The following MSANTD5 variants were observed in gnomAD, a reference collection of about 807,000 sequenced individuals.
The protein encoded by MSANTD5 is uncharacterized protein MSANTD5.
the MSANTD5 span, among the ~76,000 whole-genome samples, chr5:178,705,002 G>C: frequency 6.6e-6 from 1 of 152,132 alleles, no homozygotes; most frequent in Non-Finnish European, 1.5e-5. Context: ...CAAGGAAGAG[G>C]CCATGACTTG....
At chr5:178,697,218 G>A (rs1026599795) in intron 1 of MSANTD5, among the ~76,000 whole-genome samples, 2 of 152,148 alleles carry the variant, frequency 1.3e-5, no homozygotes, top group Non-Finnish European at 2.9e-5. Context: ...ACTTTGGGAG[G>A]CCGAGGCGGG....
the MSANTD5 span, among the ~76,000 whole-genome samples, chr5:178,706,420 C>A: frequency 6.6e-6 from 1 of 152,086 alleles, no homozygotes; most frequent in Non-Finnish European, 1.5e-5. Flanking sequence ...TGTTGCACTG[C>A]GGCTCTGCTG....
At chr5:178,704,248 C>A in the MSANTD5 span, among the ~76,000 whole-genome samples, 4 of 152,096 alleles carry the variant, frequency 2.6e-5, no homozygotes, top group Non-Finnish European at 5.9e-5. Context: ...TGCTTGCGTA[C>A]CCCCAAAATT....
downstream of MSANTD5, among the ~76,000 whole-genome samples, chr5:178,692,908 T>TG (rs754295876): frequency 8.7e-4 from 132 of 152,064 alleles, 1 homozygote; most frequent in Admixed American, 1.6e-3. Context: ...CTGTTACAGC[T>TG]GGGGGGACCC....
chr5:178,701,221 CCCT>C (rs2113857358), upstream of MSANTD5, among the ~76,000 whole-genome samples: 1 of 152,262 alleles, frequency 6.6e-6, no homozygotes, highest in Admixed American at 6.5e-5. Context: ...TCGTGATCTG[CCCT>C]CCTCGGCCTC....
At chr5:178,696,428 G>A (rs1209297483) in intron 1 of MSANTD5, among the ~76,000 whole-genome samples, 1 of 152,036 alleles carries the variant, frequency 6.6e-6, no homozygotes, top group Non-Finnish European at 1.5e-5. Flanking sequence ...GTTTCACCTC[G>A]TTAGTCAGGC....
At chr5:178,698,034 C>G (rs1765437846), upstream of MSANTD5, among the ~76,000 whole-genome samples, 1 of 152,070 alleles carries the variant, frequency 6.6e-6, no homozygotes, top group Admixed American at 6.6e-5. Flanking sequence ...ACCCCTTCCC[C>G]CTGAGTTCGT....
upstream of MSANTD5, among the ~76,000 whole-genome samples, chr5:178,701,515 A>G (rs924651120): frequency 6.6e-6 from 1 of 151,054 alleles, no homozygotes; most frequent in African/African-American, 2.4e-5. Flanking sequence ...AAATATATAT[A>G]TTTTTAATTA....
chr5:178,698,370 C>T (rs1250685441), upstream of MSANTD5, among the ~76,000 whole-genome samples: 1 of 151,980 alleles, frequency 6.6e-6, no homozygotes, highest in Non-Finnish European at 1.5e-5. Context: ...TGCTGAGTGC[C>T]CAGCATGTGA....
chr5:178,706,116 T>C, the MSANTD5 span, among the ~76,000 whole-genome samples: 1 of 152,180 alleles, frequency 6.6e-6, no homozygotes, highest in African/African-American at 2.4e-5. Flanking sequence ...AAATGCTTTT[T>C]CCGCCTGAAG....
chr5:178,702,849 G>A, the MSANTD5 span, among the ~76,000 whole-genome samples: 1 of 152,188 alleles, frequency 6.6e-6, no homozygotes, highest in East Asian at 1.9e-4. Context: ...TGTCCGCCTC[G>A]GCCTCCCAAA....
chr5:178,699,297 T>G (rs768694141), upstream of MSANTD5, among the ~76,000 whole-genome samples: 3 of 152,220 alleles, frequency 2.0e-5, no homozygotes, highest in Non-Finnish European at 4.4e-5. Flanking sequence ...TCTTCAGGGT[T>G]TCTGCCCTGC....
upstream of MSANTD5, among the ~76,000 whole-genome samples, chr5:178,701,202 C>T (rs1422014984): frequency 2.6e-5 from 4 of 152,144 alleles, no homozygotes; most frequent in Non-Finnish European, 5.9e-5. Flanking sequence ...TGGTCTCCAA[C>T]TCTTGACCTC....
chr5:178,697,379 G>A (rs893521098), intron 1 of MSANTD5, among the ~76,000 whole-genome samples: 128 of 152,144 alleles, frequency 8.4e-4, no homozygotes, highest in Non-Finnish European at 1.3e-3. Flanking sequence ...GCCTGAACCC[G>A]GGAGGCGGAG....
At chr5:178,706,322 C>T in the MSANTD5 span, among the ~76,000 whole-genome samples, 18 of 152,112 alleles carry the variant, frequency 1.2e-4, no homozygotes, top group Non-Finnish European at 2.4e-4. Flanking sequence ...CCTCTAGTAT[C>T]CTTGCTTTCA....
the MSANTD5 span, among the ~76,000 whole-genome samples, chr5:178,705,382 T>C: frequency 3.3e-5 from 5 of 151,888 alleles, no homozygotes; most frequent in African/African-American, 1.2e-4. Context: ...TGAGACTGAG[T>C]CTCAGCACTT....
chr5:178,697,828 G>A (rs1467882912), upstream of MSANTD5: 1 of 152,178 alleles, frequency 6.6e-6, no homozygotes, highest in African/African-American at 2.4e-5. Flanking sequence ...ACCCAACCTG[G>A]AGACTTTGGA....
chr5:178,702,113 A>G, upstream of MSANTD5, among the ~76,000 whole-genome samples: 1 of 151,362 alleles, frequency 6.6e-6, no homozygotes, highest in East Asian at 1.9e-4. Flanking sequence ...AAGAAATGGG[A>G]CAGGGTGAGC....
chr5:178,694,274 C>T (rs1337994595), downstream of MSANTD5, among the ~76,000 whole-genome samples: 5 of 147,524 alleles, frequency 3.4e-5, no homozygotes, highest in Admixed American at 3.4e-4. Flanking sequence ...CGAGATCATG[C>T]CACTGCACTC....
Sources: allele counts gnomAD v4.1 joint callset (sites outside exome capture counted in the v4.1 genomes callset), GRCh38; gene constraint gnomAD v4.1.1; transcripts MANE v1.5; gene names NCBI Gene and HGNC (gene_info 2026-07-23, HGNC 2026-07-21).